Variants in MTUS2 observed in about 807,000 individuals in gnomAD.
MTUS2 encodes microtubule associated scaffold protein 2.
MTUS2 carries 40 observed loss-of-function variants against 114.1 expected under a neutral mutation model. The observed-to-expected ratio is 0.35, with a 90% CI of 0.27 to 0.46. MTUS2 has a LOEUF of 0.46. Among genes scored for constraint, MTUS2 ranks in the 20% least tolerant of loss-of-function variants. The pLI, the probability that MTUS2 is intolerant of heterozygous loss-of-function variation, is 1.00. For missense variants in MTUS2, 1,679 were observed against 1,705.4 expected, an observed-to-expected ratio of 0.98 and a Z score of 0.27; for synonymous variants, 688 against 672.0, an observed-to-expected ratio of 1.02 and a Z score of -0.37.
intron 8 of MTUS2, among the ~76,000 whole-genome samples, chr13:29,361,988 C>A (rs988558704): frequency 6.6e-6 from 1 of 152,204 alleles, no homozygotes; most frequent in Non-Finnish European, 1.5e-5. Flanking sequence ...TGAGCAAGTT[C>A]CTGCCTCTGT....
intron 5 of MTUS2, among the ~76,000 whole-genome samples, chr13:29,232,821 G>A (rs553104353): frequency 1.3e-5 from 2 of 152,196 alleles, no homozygotes; most frequent in African/African-American, 2.4e-5. Flanking sequence ...ACAACATGGA[G>A]CATTAGCTAT....
chr13:29,117,483 G>A (rs1386054274), intron 5 of MTUS2, among the ~76,000 whole-genome samples: 2 of 152,104 alleles, frequency 1.3e-5, no homozygotes, highest in African/African-American at 4.8e-5. Flanking sequence ...ACTCTCCTTG[G>A]TTTTCAGGGT....
intron 2 of MTUS2, among the ~76,000 whole-genome samples, chr13:28,919,490 G>A (rs1880926875): frequency 6.6e-6 from 1 of 151,802 alleles, no homozygotes; most frequent in South Asian, 2.1e-4. Context: ...GCTGCTTTTA[G>A]GATTTTTTTC....
intron 2 of MTUS2, among the ~76,000 whole-genome samples, chr13:29,014,047 A>G (rs146963060): frequency 9.2e-5 from 14 of 152,230 alleles, no homozygotes; most frequent in African/African-American, 3.4e-4. Flanking sequence ...TGCTCCTTAC[A>G]CTGTGTGTTT....
At chr13:29,189,677 T>C (rs1463764750) in intron 5 of MTUS2, among the ~76,000 whole-genome samples, 3 of 152,230 alleles carry the variant, frequency 2.0e-5, no homozygotes, top group Admixed American at 6.5e-5. Flanking sequence ...ACTTAAAATA[T>C]AATTTATTGC....
At chr13:28,946,343 A>G (rs1345768208) in intron 2 of MTUS2, among the ~76,000 whole-genome samples, 1 of 152,068 alleles carries the variant, frequency 6.6e-6, no homozygotes, top group African/African-American at 2.4e-5. Flanking sequence ...GCATGTACAC[A>G]CACACATGTG....
intron 2 of MTUS2, among the ~76,000 whole-genome samples, chr13:29,001,932 G>T (rs1454965435): frequency 6.6e-6 from 1 of 151,750 alleles, no homozygotes; most frequent in Non-Finnish European, 1.5e-5. Context: ...GGTCGCCTCT[G>T]TATCTCACAT....
intron 5 of MTUS2, among the ~76,000 whole-genome samples, chr13:29,252,022 T>C (rs1305198477): frequency 1.3e-5 from 2 of 152,220 alleles, no homozygotes; most frequent in Non-Finnish European, 2.9e-5. Context: ...CTTTTGAGTT[T>C]ACAGTGAGAA....
intron 4 of MTUS2, among the ~76,000 whole-genome samples, chr13:29,047,204 A>G (rs1742690795): frequency 6.6e-6 from 1 of 152,214 alleles, no homozygotes; most frequent in Non-Finnish European, 1.5e-5. Flanking sequence ...CAGAAATTAT[A>G]CAACTTCTCT....
At chr13:29,360,773 T>A (rs1343541399) in intron 8 of MTUS2, among the ~76,000 whole-genome samples, 1 of 145,572 alleles carries the variant, frequency 6.9e-6, no homozygotes, top group Admixed American at 7.1e-5. Context: ...AAGATGAGCA[T>A]TTTTGTAATT....
chr13:29,212,697 G>T (rs551989789), intron 5 of MTUS2, among the ~76,000 whole-genome samples: 1 of 152,276 alleles, frequency 6.6e-6, no homozygotes, highest in African/African-American at 2.4e-5. Flanking sequence ...CAGATGAACA[G>T]CTGGATGAGG....
At chr13:29,072,869 CT>C (rs1243080875) in intron 4 of MTUS2, among the ~76,000 whole-genome samples, 2 of 152,214 alleles carry the variant, frequency 1.3e-5, no homozygotes, top group Admixed American at 6.5e-5. Flanking sequence ...TTTGACGTAT[CT>C]TTTCAAACAG....
At chr13:29,389,395 GTATATA>G (rs10538352) in intron 8 of MTUS2, among the ~76,000 whole-genome samples, 3 of 71,442 alleles carry the variant, frequency 4.2e-5, no homozygotes, top group South Asian at 4.6e-4. Context: ...ACACGTGTGT[GTATATA>G]TGTATACACG....
At chr13:29,420,001 G>A (rs1051317502) in intron 8 of MTUS2, among the ~76,000 whole-genome samples, 2 of 152,196 alleles carry the variant, frequency 1.3e-5, no homozygotes, top group Non-Finnish European at 2.9e-5. Flanking sequence ...TGGACTATCA[G>A]TGCTCTCTTT....
intron 8 of MTUS2, among the ~76,000 whole-genome samples, chr13:29,392,481 TCTC>T (rs1472675449): frequency 7.9e-5 from 12 of 152,128 alleles, no homozygotes; most frequent in Non-Finnish European, 1.5e-4. Context: ...TGAGGAGACA[TCTC>T]CTCTCATGCC....
intron 11 of MTUS2, among the ~76,000 whole-genome samples, chr13:29,491,705 G>A (rs1055650210): frequency 3.6e-5 from 2 of 54,806 alleles, no homozygotes; most frequent in Non-Finnish European, 1.0e-4. Flanking sequence ...TGGTGTATTC[G>A]TGTGATGTGT....
At chr13:29,271,564 G>A (rs977834438) in intron 5 of MTUS2, among the ~76,000 whole-genome samples, 1 of 151,950 alleles carries the variant, frequency 6.6e-6, no homozygotes, top group Non-Finnish European at 1.5e-5. Context: ...TTCTTTCTTG[G>A]TGCTGTTAAG....
At chr13:29,262,898 A>G (rs1897530201) in intron 5 of MTUS2, among the ~76,000 whole-genome samples, 1 of 152,184 alleles carries the variant, frequency 6.6e-6, no homozygotes, top group Non-Finnish European at 1.5e-5. Context: ...CTGATGAAAG[A>G]GAGCTGCTTC....
rs147807836 is a variant in MTUS2 at position 29,219,940 on chromosome 13, A to C, written c.2645-61764A>C. Among the ~76,000 whole-genome samples, 1,025 of 151,564 alleles carry C rather than the reference A, an allele frequency of 6.8e-3. 9 individuals carry two copies. The highest frequency in any genetic ancestry group is 0.024 in the African/African-American group (990 of 41,268). ...TTTATGCAGACCACTCAAATTTCTC[A>C]TATCAGTAATAAAGCTGTTTTACTT... On this transcript the variant is annotated intron_variant, in intron 5 of 15. Transcript: ENST00000612955.
Sources: gnomAD v4.1 joint callset for allele counts (sites outside exome capture counted in the v4.1 genomes callset) on GRCh38, gnomAD v4.1.1 for gene constraint, MANE v1.5 for transcripts, NCBI Gene and HGNC (gene_info 2026-07-23, HGNC 2026-07-21) for gene names.